Variants in HPSE2 observed in about 807,000 individuals in gnomAD.
HPSE2 encodes heparanase 2 (inactive), also known as inactive heparanase-2.
In HPSE2, 38 loss-of-function variants were observed where a neutral mutation model predicts 60.5. The ratio of observed to expected loss-of-function variants is 0.63; its 90% CI spans 0.48 to 0.82. HPSE2 has a LOEUF of 0.82. Ranked by LOEUF, HPSE2 falls within the 40% of genes least tolerant of loss-of-function variation. HPSE2 has a pLI of 0.00. For missense variants in HPSE2, 713 were observed against 740.4 expected, an observed-to-expected ratio of 0.96 and a Z score of 0.43; for synonymous variants, 295 against 293.2, an observed-to-expected ratio of 1.01 and a Z score of -0.06.
chr10:98,993,764 A>T (rs1484507563), intron 3 of HPSE2, among the ~76,000 whole-genome samples: 5 of 152,114 alleles, frequency 3.3e-5, no homozygotes, highest in Non-Finnish European at 5.9e-5. Flanking sequence ...ATCTGTATAA[A>T]TTTTTTCCTG....
At chr10:99,051,155 C>T (rs965358983) in intron 3 of HPSE2, among the ~76,000 whole-genome samples, 7 of 152,094 alleles carry the variant, frequency 4.6e-5, no homozygotes, top group Admixed American at 3.3e-4. Context: ...TGGTGGCATG[C>T]ACCTGTAGTG....
chr10:98,876,922 A>C (rs1049425009), intron 3 of HPSE2, among the ~76,000 whole-genome samples: 1 of 151,890 alleles, frequency 6.6e-6, no homozygotes, highest in Admixed American at 6.6e-5. Flanking sequence ...CCTGAATCTC[A>C]TTACTTAATA....
At chr10:99,162,237 AAAAT>A (rs1332545557) in intron 2 of HPSE2, among the ~76,000 whole-genome samples, 1 of 152,236 alleles carries the variant, frequency 6.6e-6, no homozygotes, top group African/African-American at 2.4e-5. Flanking sequence ...AACAGAAATA[AAAAT>A]AAATAAAAAG....
intron 9 of HPSE2, among the ~76,000 whole-genome samples, chr10:98,525,535 A>C (rs1378368561): frequency 6.6e-6 from 1 of 152,252 alleles, no homozygotes; most frequent in Non-Finnish European, 1.5e-5. Context: ...CAATGAAAGG[A>C]AAAGCTACAG....
chr10:98,490,283 ACACACACACG>A (rs905064841), intron 9 of HPSE2, 87 bp from the exon 10 acceptor site: 22 of 396,614 alleles, frequency 5.5e-5, no homozygotes, highest in East Asian at 4.5e-4. Flanking sequence ...ACACACACAC[ACACACACACG>A]GGCCAGAAAT....
chr10:98,525,675 C>T (rs757884227), intron 9 of HPSE2, among the ~76,000 whole-genome samples: 7 of 152,164 alleles, frequency 4.6e-5, no homozygotes, highest in South Asian at 2.1e-4. Context: ...TTGTGGTGAC[C>T]GCTATTTACC....
intron 3 of HPSE2, among the ~76,000 whole-genome samples, chr10:99,020,423 T>C (rs895079956): frequency 6.6e-6 from 1 of 152,162 alleles, no homozygotes; most frequent in Admixed American, 6.6e-5. Context: ...GGAATACTGG[T>C]CTCCTGGCTC....
chr10:99,171,830 C>A (rs12766149), intron 2 of HPSE2, among the ~76,000 whole-genome samples: 7,186 of 151,774 alleles, frequency 0.047, 230 homozygotes, highest in Non-Finnish European at 0.071. Context: ...AAAAAAAAAA[C>A]TTAACCTCTT....
intron 3 of HPSE2, among the ~76,000 whole-genome samples, chr10:98,818,301 G>A (rs1460715694): frequency 2.0e-5 from 3 of 152,250 alleles, no homozygotes; most frequent in Non-Finnish European, 1.5e-5. Context: ...TCCACAGGCT[G>A]GGGGTGGGGG....
intron 3 of HPSE2, among the ~76,000 whole-genome samples, chr10:98,807,706 G>GA (rs1742456300): frequency 6.6e-6 from 1 of 152,052 alleles, no homozygotes; most frequent in South Asian, 2.1e-4. Context: ...ATCAAGGTAG[G>GA]ACATTTAAAC....
At chr10:99,121,914 C>T (rs1452263490) in intron 3 of HPSE2, among the ~76,000 whole-genome samples, 1 of 152,056 alleles carries the variant, frequency 6.6e-6, no homozygotes, top group Non-Finnish European at 1.5e-5. Flanking sequence ...AATTATGATA[C>T]ATCCATACAA....
chr10:99,014,037 C>T (rs1957077519), intron 3 of HPSE2: 1 of 223,870 alleles, frequency 4.5e-6, no homozygotes, highest in African/African-American at 2.4e-5. Context: ...GAGAGACACA[C>T]TGGAGCCTCT....
At chr10:99,187,669 A>G (rs954946994) in intron 2 of HPSE2, among the ~76,000 whole-genome samples, 16 of 152,228 alleles carry the variant, frequency 1.1e-4, no homozygotes, top group Non-Finnish European at 1.8e-4. Flanking sequence ...GGGAAATGCA[A>G]ATGAAAACGT....
intron 3 of HPSE2, among the ~76,000 whole-genome samples, chr10:99,041,773 G>A (rs914943620): frequency 1.3e-5 from 2 of 152,058 alleles, no homozygotes; most frequent in Admixed American, 1.3e-4. Flanking sequence ...AAGCACTCTG[G>A]CCCTGCATTT....
intron 5 of HPSE2, among the ~76,000 whole-genome samples, chr10:98,701,722 A>T (rs893015648): frequency 6.6e-6 from 1 of 152,154 alleles, no homozygotes; most frequent in Non-Finnish European, 1.5e-5. Context: ...TTCATAAATG[A>T]AGGAGAAATA....
chr10:99,023,200 A>G (rs1004365681), intron 3 of HPSE2, among the ~76,000 whole-genome samples: 4 of 152,122 alleles, frequency 2.6e-5, no homozygotes, highest in Admixed American at 1.3e-4. Flanking sequence ...AACATCAGCA[A>G]AAGTCTGGCA....
chr10:98,484,241 T>C (rs1941355568), intron 10 of HPSE2, among the ~76,000 whole-genome samples: 1 of 151,710 alleles, frequency 6.6e-6, no homozygotes, highest in African/African-American at 2.4e-5. Context: ...TTCTTTCCTT[T>C]CTTCCTTCCT....
chr10:99,138,561 A>AT (rs1240831573), intron 3 of HPSE2, among the ~76,000 whole-genome samples: 2 of 152,250 alleles, frequency 1.3e-5, no homozygotes, highest in Non-Finnish European at 2.9e-5. Context: ...CTATGCAGCC[A>AT]TAAAAAAAGG....
At chr10:99,173,821 TG>T (rs1847413993) in intron 2 of HPSE2, among the ~76,000 whole-genome samples, 1 of 151,838 alleles carries the variant, frequency 6.6e-6, no homozygotes, top group Admixed American at 6.6e-5. Context: ...CACACACCAG[TG>T]GTCCCAGCTA....
Sources: gnomAD v4.1 joint callset for allele counts (sites outside exome capture counted in the v4.1 genomes callset) on GRCh38, gnomAD v4.1.1 for gene constraint, MANE v1.5 for transcripts, NCBI Gene and HGNC (gene_info 2026-07-23, HGNC 2026-07-21) for gene names.